Variants in DLGAP2 observed in about 807,000 individuals in gnomAD.
The protein encoded by DLGAP2 is disks large-associated protein 2.
DLGAP2 carries 26 observed loss-of-function variants against 100.3 expected under a neutral mutation model. The observed-to-expected ratio is 0.26, with a 90% CI of 0.19 to 0.36. The LOEUF (loss-of-function observed/expected upper bound fraction) is 0.36, where lower values mean the gene tolerates loss of function less well. DLGAP2 is among the 10% of genes least tolerant of loss of function. The pLI, the probability that DLGAP2 is intolerant of heterozygous loss-of-function variation, is 1.00. For missense variants in DLGAP2, 1,858 were observed against 1,453.2 expected, an observed-to-expected ratio of 1.28 and a Z score of -4.53; for synonymous variants, 886 against 630.1, an observed-to-expected ratio of 1.41 and a Z score of -6.08.
At chr8:1,472,884 C>T (rs1028816224) in intron 3 of DLGAP2, among the ~76,000 whole-genome samples, 9 of 152,184 alleles carry the variant, frequency 5.9e-5, no homozygotes, top group Admixed American at 5.9e-4. Flanking sequence ...ACATTCCATT[C>T]CTAAATATTT....
intron 3 of DLGAP2, among the ~76,000 whole-genome samples, chr8:1,282,032 C>G (rs1378909266): frequency 7.2e-6 from 1 of 138,942 alleles, no homozygotes; most frequent in Non-Finnish European, 1.5e-5. Context: ...AACCCAGCAC[C>G]ATGAACCATC....
chr8:986,949 C>T (rs1026532086), intron 2 of DLGAP2, among the ~76,000 whole-genome samples: 4 of 152,114 alleles, frequency 2.6e-5, no homozygotes, highest in Admixed American at 6.6e-5. Context: ...CATGAGCCAC[C>T]GCACCTGGCC....
intron 3 of DLGAP2, among the ~76,000 whole-genome samples, chr8:1,482,023 G>T (rs1030527376): frequency 6.6e-6 from 1 of 152,186 alleles, no homozygotes; most frequent in Admixed American, 6.5e-5. Flanking sequence ...TGTGTTCCTC[G>T]GGGGAAAGTT....
chr8:1,366,948 A>G (rs956392623), intron 3 of DLGAP2, among the ~76,000 whole-genome samples: 2 of 151,876 alleles, frequency 1.3e-5, no homozygotes, highest in African/African-American at 4.8e-5. Context: ...TAGCATTTAC[A>G]TGGCAACCCC....
Position 1,633,003 on chromosome 8 carries a change from G to C in DLGAP2, c.1767G>C (p.Met589Ile). ...CCCAAGATGACGAATGTATTCCCAT[G>C]ATGACACCCTCTGACATCACCTCCA... ...GYSQDDECIPMMTPSDITSTI... is the reference protein window; with the variant it reads ...GYSQDDECIPIMTPSDITSTI... Residue 589 changes from methionine (M) to isoleucine (I), a missense_variant, in exon 8 of 15, where the codon ATG (methionine) becomes ATC (isoleucine). By Grantham distance (10) the Met-to-Ile change is conservative (BLOSUM62 1). Coordinates refer to ENST00000637795, the MANE Select transcript of DLGAP2 (RefSeq NM_001346810.2). 1 of 1,613,994 alleles carries C rather than the reference G, an allele frequency of 6.2e-7. No homozygotes were observed. Among genetic ancestry groups the C allele is most frequent in the Non-Finnish European group, 8.5e-7 (1 of 1,179,886 alleles).
intron 2 of DLGAP2, among the ~76,000 whole-genome samples, chr8:1,235,441 C>T (rs372966994): frequency 8.7e-4 from 133 of 152,020 alleles, no homozygotes; most frequent in African/African-American, 3.0e-3. Flanking sequence ...TCACACATGG[C>T]GTCGTGTCTA....
At chr8:1,050,791 T>A (rs1192342619) in intron 2 of DLGAP2, among the ~76,000 whole-genome samples, 1 of 152,178 alleles carries the variant, frequency 6.6e-6, no homozygotes, top group Non-Finnish European at 1.5e-5. Flanking sequence ...CTCAGAAACC[T>A]TGAGTCAGGA....
At chr8:1,360,428 C>T (rs1164127493) in intron 3 of DLGAP2, among the ~76,000 whole-genome samples, 1 of 152,098 alleles carries the variant, frequency 6.6e-6, no homozygotes, top group Non-Finnish European at 1.5e-5. Flanking sequence ...GGGTGTCCTC[C>T]AGGTGCCCTG....
At position 1,701,311 on chromosome 8, in the gene DLGAP2, G is replaced by A. The variant is rs1433294252; in HGVS notation, c.3073G>A (p.Ala1025Thr). The stretch of plus-strand genomic sequence containing the variant: ...CCAGGAAGCCCGGAGGCGCCTCATG[G>A]CCGCCAAGCGAGCGGCGTCCTTCCG... ...QRQEARRRLM[A>T]AKRAASFRQN... The change falls in exon 15 of 15, where the codon GCC becomes ACC. Residue 1025 changes from alanine to threonine, a missense_variant. Coordinates refer to ENST00000637795, the MANE Select transcript of DLGAP2 (RefSeq NM_001346810.2). 1 of 1,586,906 alleles carries A rather than the reference G, an allele frequency of 6.3e-7. No homozygotes were observed. The highest frequency in any genetic ancestry group is 2.3e-5 in the East Asian group (1 of 43,212).
chr8:822,451 C>G (rs906034539), intron 1 of DLGAP2, among the ~76,000 whole-genome samples: 76 of 152,210 alleles, frequency 5.0e-4, no homozygotes, highest in African/African-American at 1.6e-3. Flanking sequence ...TCTGTTCAAA[C>G]AGAGCTGTGT....
intron 2 of DLGAP2, among the ~76,000 whole-genome samples, chr8:1,176,351 G>A (rs554122727): frequency 2.6e-5 from 4 of 152,202 alleles, no homozygotes; most frequent in South Asian, 2.1e-4. Context: ...ATTACAGTTC[G>A]AGGTGAGATT....
chr8:1,607,351 G>A (rs1364437688), intron 6 of DLGAP2, among the ~76,000 whole-genome samples: 1 of 152,080 alleles, frequency 6.6e-6, no homozygotes, highest in Non-Finnish European at 1.5e-5. Context: ...CCCATATCCT[G>A]GAGGACAAAT....
intron 2 of DLGAP2, among the ~76,000 whole-genome samples, chr8:1,138,267 A>G (rs1796458423): frequency 6.6e-6 from 1 of 152,176 alleles, no homozygotes; most frequent in Non-Finnish European, 1.5e-5. Flanking sequence ...GCAGGAGCCT[A>G]GGTTTCCCCT....
At chr8:1,369,384 G>C (rs966569099) in intron 3 of DLGAP2, 5 of 152,280 alleles carry the variant, frequency 3.3e-5, no homozygotes, top group African/African-American at 1.2e-4. Context: ...TCTGTGTCGT[G>C]ATCACCCCTT....
At chr8:1,436,518 C>T (rs564828155) in intron 3 of DLGAP2, among the ~76,000 whole-genome samples, 1 of 152,358 alleles carries the variant, frequency 6.6e-6, no homozygotes, top group South Asian at 2.1e-4. Flanking sequence ...GAAACACCCT[C>T]ACAGACAACC....
intron 3 of DLGAP2, among the ~76,000 whole-genome samples, chr8:1,264,025 G>C (rs1799403036): frequency 6.6e-6 from 1 of 152,104 alleles, no homozygotes; most frequent in Non-Finnish European, 1.5e-5. Context: ...CAGTCTCTAG[G>C]GTAAGAGGGA....
chr8:915,640 C>T (rs367930930), intron 2 of DLGAP2, among the ~76,000 whole-genome samples: 3 of 151,998 alleles, frequency 2.0e-5, no homozygotes, highest in African/African-American at 7.3e-5. Context: ...CTGGAATTCC[C>T]GAATCACACG....
intron 3 of DLGAP2, among the ~76,000 whole-genome samples, chr8:1,352,039 G>A (rs867360708): frequency 1.6e-5 from 1 of 64,198 alleles, no homozygotes; most frequent in Admixed American, 2.1e-4. Flanking sequence ...TGGAAAGGCC[G>A]TGCGGGTCCT....
intron 4 of DLGAP2, among the ~76,000 whole-genome samples, chr8:1,525,191 C>CTTTTTTTTTTTTTTTTTTT (rs56358216): frequency 1.9e-5 from 2 of 103,678 alleles, no homozygotes; most frequent in African/African-American, 3.8e-5. Context: ...ACTCTGATGT[C>CTTTTTTTTTTTTTTTTTTT]TTTTTTTTTT....
Sources: gnomAD v4.1 joint callset for allele counts (sites outside exome capture counted in the v4.1 genomes callset) on GRCh38, gnomAD v4.1.1 for gene constraint, MANE v1.5 for transcripts, NCBI Gene and HGNC (gene_info 2026-07-23, HGNC 2026-07-21) for gene names.